MRNIP: variants seen among roughly 807,000 people sequenced by gnomAD.
The protein encoded by MRNIP is MRN complex-interacting protein.
MRNIP carries 30 observed loss-of-function variants against 29.8 expected under a neutral mutation model. The observed-to-expected ratio is 1.01, with a 90% CI of 0.75 to 1.36. MRNIP has a LOEUF of 1.36. Ranked by LOEUF, MRNIP falls within the 40% of genes most tolerant of loss-of-function variation. The pLI is 0.00. For synonymous variants in MRNIP, 201 were observed against 164.1 expected (o/e 1.23, Z -1.72); for missense variants, 459 against 423.5 (o/e 1.08, Z -0.74).
intron 1 of MRNIP, among the ~76,000 whole-genome samples, chr5:179,857,175 G>A (rs1219177557): frequency 1.3e-5 from 2 of 152,192 alleles, no homozygotes; most frequent in African/African-American, 4.8e-5. Context: ...GAGGCCGGGC[G>A]CAGTGGCTCA....
At chr5:179,854,492 C>T (rs1263671402) in intron 1 of MRNIP, among the ~76,000 whole-genome samples, 2 of 152,140 alleles carry the variant, frequency 1.3e-5, no homozygotes, top group Admixed American at 1.3e-4. Context: ...GTATGAAACA[C>T]AATCAAATTG....
chr5:179,851,308 A>G (rs1288546553), intron 2 of MRNIP: 1 of 455,968 alleles, frequency 2.2e-6, no homozygotes, highest in Non-Finnish European at 4.4e-6. Context: ...TGGGCATCCG[A>G]GTCAGCCTGG....
chr5:179,838,275 G>T, intron 6 of MRNIP: 1 of 258,988 alleles, frequency 3.9e-6, no homozygotes, highest in Non-Finnish European at 7.5e-6. Context: ...GCTCTCCAGA[G>T]CCTGCCGGGT....
Position 179,858,758 on chromosome 5 carries a change from G to C in MRNIP, c.39C>G (p.Cys13Trp). 1 of 1,535,772 alleles carries C rather than the reference G, an allele frequency of 6.5e-7. No individual in the cohort carries two copies. The highest frequency in any genetic ancestry group is 8.8e-7 in the Non-Finnish European group (1 of 1,140,996). ...GGTGCGCCTGGAAGAGGCGGCAGCT[G>C]CAGCAGCGTAGCACCCGAGAACGCT... is the stretch of plus-strand genomic sequence containing the variant. Reference protein sequence around the residue: ...SLQRSRVLRCCSCRLFQAHQV... With the variant: ...SLQRSRVLRCWSCRLFQAHQV... The change falls in exon 1 of 7, where the codon TGC (cysteine) becomes TGG (tryptophan). Residue 13 changes from cysteine to tryptophan, a missense_variant. By Grantham distance (215) the Cys-to-Trp change is radical. Transcript: ENST00000292586.
intron 3 of MRNIP, among the ~76,000 whole-genome samples, chr5:179,846,700 G>A (rs1384266546): frequency 6.6e-6 from 1 of 151,996 alleles, no homozygotes; most frequent in African/African-American, 2.4e-5. Flanking sequence ...TTTCACACAG[G>A]GTATGTAAAA....
chr5:179,854,485 T>C (rs1271104781), intron 1 of MRNIP, among the ~76,000 whole-genome samples: 6 of 152,188 alleles, frequency 3.9e-5, no homozygotes, highest in Non-Finnish European at 5.9e-5. Flanking sequence ...GCTATCTGTA[T>C]GAAACACAAT....
At chr5:179,850,960 C>G (rs1344727057) in intron 2 of MRNIP, 1 of 306,284 alleles carries the variant, frequency 3.3e-6, no homozygotes, top group Non-Finnish European at 6.6e-6. Flanking sequence ...GGAATAGAAG[C>G]AGCTCAAGAT....
rs564486440 is a variant in MRNIP at position 179,851,170 on chromosome 5, G to T, written c.126+2208C>A. 20 of 452,636 alleles carry T rather than the reference G, an allele frequency of 4.4e-5. No individual in the cohort carries two copies. In the Admixed American group the frequency reaches 4.7e-4, roughly 11 times the overall value. The allele number at this position is 452,636 out of a possible 1,614,324, so 28.0% of individuals were successfully genotyped here. A position where few individuals can be genotyped will look rare whatever the true frequency, so the allele number is the denominator to read the frequency against. ...CAGAGGCATTGAGGGGAGTAAGAAGGCTTCCTCAAGGAGAATGTAGAAATA... is the reference window on the plus strand; with the variant it reads ...CAGAGGCATTGAGGGGAGTAAGAAGTCTTCCTCAAGGAGAATGTAGAAATA... On this transcript the variant is annotated intron_variant, in intron 2 of 6. Coordinates refer to ENST00000292586, the MANE Select transcript of MRNIP (RefSeq NM_016175.4).
chr5:179,857,163 T>C (rs1001017776), intron 1 of MRNIP, among the ~76,000 whole-genome samples: 1 of 151,420 alleles, frequency 6.6e-6, no homozygotes, highest in Non-Finnish European at 1.5e-5. Context: ...AACAAGGAAA[T>C]AGAGGCCGGG....
chr5:179,841,946 T>C lies in MRNIP; in HGVS notation c.410A>G (p.Glu137Gly), dbSNP rs1758899125. ...FSKQPSSKMEEPGPRFSQDLP... is the reference protein window; with the variant it reads ...FSKQPSSKMEGPGPRFSQDLP... The stretch of plus-strand genomic sequence containing the variant: ...GTCTTGACTGAAGCGGGGGCCTGGC[T>C]CCTCCATTTTGGATGAAGGCTGTTT... Residue 137 changes from glutamate to glycine, a missense_variant, in exon 5 of 7, where the codon GAG (glutamate) becomes GGG (glycine). By Grantham distance (98) the Glu-to-Gly change is moderately conservative. Transcript: ENST00000292586. 6.2e-7 allele frequency: 1 copy of C among 1,614,128 alleles called. No homozygotes were observed. Among genetic ancestry groups the C allele is most frequent in the Admixed American group, 1.7e-5 (1 of 60,024 alleles).
chr5:179,852,022 A>AC (rs1441932891), intron 2 of MRNIP, among the ~76,000 whole-genome samples: 1 of 152,010 alleles, frequency 6.6e-6, no homozygotes, highest in African/African-American at 2.4e-5. Flanking sequence ...GCACTCACCA[A>AC]CATTATGAAA....
At chr5:179,846,304 A>C (rs1759126996) in intron 3 of MRNIP, among the ~76,000 whole-genome samples, 1 of 144,602 alleles carries the variant, frequency 6.9e-6, no homozygotes, top group East Asian at 2.0e-4. Flanking sequence ...TTTTTTTTTG[A>C]GATGGAGTCT....
intron 4 of MRNIP, among the ~76,000 whole-genome samples, chr5:179,843,743 G>C (rs1286512349): frequency 6.7e-6 from 1 of 149,210 alleles, no homozygotes; most frequent in Admixed American, 6.6e-5. Flanking sequence ...TCGTTTCAGA[G>C]AAAAAAAACA....
chr5:179,844,327 T>C (rs1582044608), intron 3 of MRNIP, 100 bp from the exon 4 acceptor site: 1 of 921,718 alleles, frequency 1.1e-6, no homozygotes, highest in Non-Finnish European at 1.7e-6. Context: ...CTGAGGCAGG[T>C]GGATCACCTG....
chr5:179,851,213 C>T lies in MRNIP; in HGVS notation c.126+2165G>A, dbSNP rs1254933191. The T allele has an allele frequency of 6.6e-6, 3 of 455,222 alleles. No individual in the cohort carries two copies. In the Admixed American group the frequency reaches 7.0e-5, roughly 11 times the overall value. The allele number at this position is 455,222 out of a possible 1,614,324, so 28.2% of individuals were successfully genotyped here. Reference sequence around the variant, plus strand: ...TAGAAATATATACATCTCAAACAAGCCATGCTCACCATGTGGGGTGTCTGC... The same window carrying T: ...TAGAAATATATACATCTCAAACAAGTCATGCTCACCATGTGGGGTGTCTGC... On this transcript the variant is annotated intron_variant, in intron 2 of 6. Coordinates refer to ENST00000292586, the MANE Select transcript of MRNIP (RefSeq NM_016175.4).
rs542016938 is a variant in MRNIP, at chr5:179,843,634, G to A, written c.291+518C>T. ...GCACAGTTGTAGTCCCAGTTACTCAGGAGCCTGAGGTGGGAGGATCACTTC... is the reference window on the plus strand; with the variant it reads ...GCACAGTTGTAGTCCCAGTTACTCAAGAGCCTGAGGTGGGAGGATCACTTC... On this transcript the variant is annotated intron_variant, in intron 4 of 6. Transcript: ENST00000292586. Among the ~76,000 whole-genome samples, 3 of 152,222 alleles carry A rather than the reference G, an allele frequency of 2.0e-5. No individual in the cohort carries two copies. The East Asian group carries it at 5.8e-4, about 30-fold the overall frequency.
At chr5:179,850,452 C>T (rs574803622) in intron 2 of MRNIP, among the ~76,000 whole-genome samples, 1 of 152,216 alleles carries the variant, frequency 6.6e-6, no homozygotes, top group East Asian at 1.9e-4. Context: ...CTCAACACCC[C>T]ACTGGCAGGA....
At chr5:179,841,014 C>G (rs998292804) in intron 5 of MRNIP, 55 bp from the exon 6 acceptor site, 1 of 1,292,398 alleles carries the variant, frequency 7.7e-7, no homozygotes, top group Non-Finnish European at 1.1e-6. Flanking sequence ...GCACCCCGAG[C>G]CTGACTCCAC....
intron 1 of MRNIP, among the ~76,000 whole-genome samples, chr5:179,854,114 G>A (rs994885232): frequency 5.3e-5 from 8 of 150,664 alleles, no homozygotes; most frequent in East Asian, 2.0e-4. Flanking sequence ...TCCCCCTCCC[G>A]GGTTCACGCC....
Sources: gnomAD v4.1 joint callset for allele counts (sites outside exome capture counted in the v4.1 genomes callset) on GRCh38, gnomAD v4.1.1 for gene constraint, MANE v1.5 for transcripts, NCBI Gene and HGNC (gene_info 2026-07-23, HGNC 2026-07-21) for gene names.